EYA4: variants seen among roughly 807,000 people sequenced by gnomAD.
The protein encoded by EYA4 is EYA transcriptional coactivator and phosphatase 4, also known as protein phosphatase EYA4.
In EYA4, 31 loss-of-function variants were observed where a neutral mutation model predicts 87.9. The ratio of observed to expected loss-of-function variants is 0.35; its 90% CI spans 0.27 to 0.48. The LOEUF (loss-of-function observed/expected upper bound fraction) is 0.48. EYA4 is among the 20% of genes least tolerant of loss of function. The pLI is 0.99. For missense variants in EYA4, 678 were observed against 761.4 expected (o/e 0.89, Z 1.29); for synonymous variants, 263 against 270.6 (o/e 0.97, Z 0.28).
chr6:133,477,830 A>ATG (rs1795872011), intron 11 of EYA4, among the ~76,000 whole-genome samples: 1 of 148,414 alleles, frequency 6.7e-6, no homozygotes, highest in African/African-American at 2.5e-5. Context: ...ACACACACAC[A>ATG]CACGCATATA....
chr6:133,439,658 T>A (rs1792071722), intron 3 of EYA4, among the ~76,000 whole-genome samples: 1 of 152,200 alleles, frequency 6.6e-6, no homozygotes, highest in Admixed American at 6.5e-5. Context: ...TGGTGGATGC[T>A]CATCCAAGCC....
chr6:133,391,212 T>TTTTG (rs1164659255), intron 3 of EYA4, among the ~76,000 whole-genome samples: 3 of 46,580 alleles, frequency 6.4e-5, no homozygotes, highest in Non-Finnish European at 7.5e-5. Context: ...ATTTTTTGGG[T>TTTTG]TTTGTTTTTG....
chr6:133,473,873 C>T (rs945675321), intron 11 of EYA4, among the ~76,000 whole-genome samples: 27 of 151,980 alleles, frequency 1.8e-4, no homozygotes, highest in African/African-American at 6.0e-4. Context: ...GTGCCCTAGG[C>T]GCCTTACTCA....
intron 11 of EYA4, among the ~76,000 whole-genome samples, chr6:133,470,168 G>A (rs1486257883): frequency 3.4e-5 from 5 of 145,276 alleles, no homozygotes; most frequent in East Asian, 2.0e-4. Flanking sequence ...CCTTGCCCAC[G>A]CCTATGTCCT....
intron 2 of EYA4, among the ~76,000 whole-genome samples, chr6:133,339,586 A>T (rs1782632977): frequency 6.6e-6 from 1 of 152,198 alleles, no homozygotes; most frequent in South Asian, 2.1e-4. Context: ...TGCTTATTGG[A>T]AAAATTAGGC....
chr6:133,428,124 T>G (rs916746201), intron 3 of EYA4, among the ~76,000 whole-genome samples: 3 of 152,196 alleles, frequency 2.0e-5, no homozygotes, highest in Non-Finnish European at 4.4e-5. Context: ...ATGATGGGGT[T>G]GGTTGTGGAC....
At chr6:133,246,067 T>G (rs1346522398) in intron 1 of EYA4, among the ~76,000 whole-genome samples, 1 of 152,218 alleles carries the variant, frequency 6.6e-6, no homozygotes, top group Non-Finnish European at 1.5e-5. Context: ...AGAAACCATT[T>G]TGTGTTATCA....
At chr6:133,297,735 T>C (rs986945657) in intron 2 of EYA4, among the ~76,000 whole-genome samples, 4 of 152,212 alleles carry the variant, frequency 2.6e-5, no homozygotes, top group African/African-American at 9.6e-5. Flanking sequence ...GTATAATATT[T>C]TTCATCTGTT....
chr6:133,469,108 T>C (rs867901534), intron 11 of EYA4, among the ~76,000 whole-genome samples: 3 of 152,068 alleles, frequency 2.0e-5, no homozygotes, highest in African/African-American at 7.2e-5. Flanking sequence ...TCAGTAGCTC[T>C]AGCCCGTGAA....
At position 133,531,272 on chromosome 6, in the gene EYA4, A is replaced by G. The variant is rs995064139; in HGVS notation, c.*2467A>G. On this transcript the variant is annotated 3_prime_UTR_variant, in exon 20 of 20. Transcript: ENST00000355286. Reference sequence around the variant, plus strand: ...GGAGAACAGCTTGTCTGGCACAACAATGGTGCAGGCCCACGAGCCAGCATC... The same window carrying G: ...GGAGAACAGCTTGTCTGGCACAACAGTGGTGCAGGCCCACGAGCCAGCATC... 5.8e-5 allele frequency: 83 copies of G among 1,422,608 alleles called. 2 individuals are homozygous for G. In the Admixed American group the frequency reaches 1.3e-3, roughly 23 times the overall value. 88.1% of individuals were successfully genotyped at this position (1,422,608 alleles called of 1,614,324 possible).
rs1345935128 is a variant in EYA4, at chr6:133,531,256, C to A, written c.*2451C>A. On this transcript the variant is annotated 3_prime_UTR_variant, in exon 20 of 20. Transcript: ENST00000355286. The stretch of plus-strand genomic sequence containing the variant: ...TAAATGCAAGGTTGACGGAGAACAG[C>A]TTGTCTGGCACAACAATGGTGCAGG... The A allele has an allele frequency of 8.0e-6, 12 of 1,499,144 alleles. No individual in the cohort carries two copies. The highest frequency in any genetic ancestry group is 2.0e-5 in the Admixed American group (1 of 50,916). 92.9% of individuals were successfully genotyped at this position (1,499,144 alleles called of 1,614,324 possible). A position where few individuals can be genotyped will look rare whatever the true frequency, so the allele number is the denominator to read the frequency against.
intron 3 of EYA4, among the ~76,000 whole-genome samples, chr6:133,406,198 A>T (rs981890030): frequency 6.6e-6 from 1 of 152,224 alleles, no homozygotes; most frequent in Admixed American, 6.5e-5. Flanking sequence ...TATTTTAAGG[A>T]AAGTAAAATC....
intron 3 of EYA4, among the ~76,000 whole-genome samples, chr6:133,440,221 C>T (rs1792133924): frequency 6.9e-6 from 1 of 145,502 alleles, no homozygotes; most frequent in African/African-American, 2.5e-5. Context: ...CTATAATGTG[C>T]CTATATAAAA....
chr6:133,443,130 C>T (rs1004812252), intron 3 of EYA4, among the ~76,000 whole-genome samples: 1 of 151,418 alleles, frequency 6.6e-6, no homozygotes, highest in Non-Finnish European at 1.5e-5. Flanking sequence ...ATTCTGGTCT[C>T]CTACCATGGA....
chr6:133,304,053 A>G (rs947394004), intron 2 of EYA4, among the ~76,000 whole-genome samples: 3 of 152,190 alleles, frequency 2.0e-5, no homozygotes, highest in African/African-American at 7.2e-5. Flanking sequence ...TGATGGAATG[A>G]ATGGATAGAT....
intron 3 of EYA4, among the ~76,000 whole-genome samples, chr6:133,404,329 A>G (rs1788520468): frequency 6.6e-6 from 1 of 152,200 alleles, no homozygotes; most frequent in Admixed American, 6.5e-5. Context: ...AGCGATTAAT[A>G]ACATCATTCT....
intron 2 of EYA4, among the ~76,000 whole-genome samples, chr6:133,327,628 T>C (rs1248237109): frequency 6.6e-6 from 1 of 152,192 alleles, no homozygotes; most frequent in African/African-American, 2.4e-5. Context: ...GGATTTCTGC[T>C]CCTAAATTGT....
intron 2 of EYA4, among the ~76,000 whole-genome samples, chr6:133,337,684 C>G (rs148016822): frequency 6.6e-6 from 1 of 152,180 alleles, no homozygotes; most frequent in Non-Finnish European, 1.5e-5. Flanking sequence ...TAATTGCTCT[C>G]ACTTAAAGCA....
chr6:133,467,789 A>C (rs1053044690), intron 10 of EYA4, among the ~76,000 whole-genome samples: 1 of 151,954 alleles, frequency 6.6e-6, no homozygotes, highest in Non-Finnish European at 1.5e-5. Context: ...CACATGCTAG[A>C]TATCTTAAAC....
Sources: allele counts gnomAD v4.1 joint callset (sites outside exome capture counted in the v4.1 genomes callset), GRCh38; gene constraint gnomAD v4.1.1; transcripts MANE v1.5; gene names NCBI Gene and HGNC (gene_info 2026-07-23, HGNC 2026-07-21).